The following PITPNA variants were observed in gnomAD, a reference collection of about 807,000 sequenced individuals.
The protein encoded by PITPNA is phosphatidylinositol transfer protein alpha isoform.
PITPNA carries 13 observed loss-of-function variants against 50.3 expected under a neutral mutation model. The ratio of observed to expected loss-of-function variants is 0.26; its 90% CI spans 0.17 to 0.41. The LOEUF (loss-of-function observed/expected upper bound fraction) is 0.41, where lower values mean the gene tolerates loss of function less well. PITPNA is among the 10% of genes least tolerant of loss of function. The pLI is 1.00. For missense variants in PITPNA, 207 were observed against 333.4 expected, an observed-to-expected ratio of 0.62 and a Z score of 2.95; for synonymous variants, 120 against 119.6, an observed-to-expected ratio of 1.00 and a Z score of -0.02.
In PITPNA at chr17:1,541,549, T is replaced by C; in HGVS notation, c.372+17A>G. The C allele has an allele frequency of 1.3e-6, 2 of 1,595,108 alleles. No individual in the cohort carries two copies. Among genetic ancestry groups the C allele is most frequent in the East Asian group, 4.5e-5 (2 of 44,796 alleles). ...CTCAAGACCTCACCCCTGGGGCTTT[T>C]GGGAACTACTACTCACATTCTCCTG... On this transcript the variant is annotated intron_variant, in intron 6 of 11. Transcript: ENST00000313486.
At chr17:1,552,025 C>A (rs906047492) in intron 3 of PITPNA, among the ~76,000 whole-genome samples, 1 of 152,204 alleles carries the variant, frequency 6.6e-6, no homozygotes, top group Non-Finnish European at 1.5e-5. Flanking sequence ...GCACTGCTCT[C>A]CTCGCACCCT....
At position 1,538,115 on chromosome 17, in the gene PITPNA, T is replaced by C. The variant is rs553570263; in HGVS notation, c.456+754A>G. On this transcript the variant is annotated intron_variant, in intron 7 of 11. Transcript: ENST00000313486. The stretch of plus-strand genomic sequence containing the variant: ...GTGCCAGGCCCCAAAATATCTTAAG[T>C]GCAGAGTGACCACAGGAAAGAGGTA... 2.6e-5 allele frequency among the ~76,000 whole-genome samples: 4 copies of C among 152,154 alleles called. No individual in the cohort carries two copies. In the South Asian group the frequency reaches 6.2e-4, roughly 24 times the overall value.
At chr17:1,548,486 A>G (rs2075690647) in intron 3 of PITPNA, 99 bp from the exon 4 acceptor site, 1 of 805,548 alleles carries the variant, frequency 1.2e-6, no homozygotes, top group African/African-American at 1.8e-5. Flanking sequence ...CTGACAAGCA[A>G]GTTTCCATGC....
chr17:1,543,104 C>G (rs766530297), intron 4 of PITPNA, 77 bp from the exon 5 acceptor site: 130 of 1,171,328 alleles, frequency 1.1e-4, no homozygotes, highest in Non-Finnish European at 1.4e-4. Flanking sequence ...CCCCACCCCC[C>G]ACAAGGAGGA....
intron 7 of PITPNA, among the ~76,000 whole-genome samples, chr17:1,537,168 A>G (rs553219598): frequency 6.6e-6 from 1 of 151,780 alleles, no homozygotes; most frequent in Non-Finnish European, 1.5e-5. Context: ...GGTTCAAGCG[A>G]TTCTCCTGCC....
At chr17:1,524,565 C>A (rs893773329) in intron 10 of PITPNA, among the ~76,000 whole-genome samples, 4 of 151,918 alleles carry the variant, frequency 2.6e-5, no homozygotes, top group Non-Finnish European at 5.9e-5. Flanking sequence ...TGGCCTAAGC[C>A]CCAATTTCTA....
At chr17:1,538,300 T>C (rs2075629738) in intron 7 of PITPNA, 1 of 152,236 alleles carries the variant, frequency 6.6e-6, no homozygotes, top group Non-Finnish European at 1.5e-5. Context: ...ACTTCTTGGG[T>C]GCAAAACAGT....
intron 3 of PITPNA, among the ~76,000 whole-genome samples, 177 bp downstream of exon 3, chr17:1,552,827 T>C (rs1464472589): frequency 6.6e-6 from 1 of 152,198 alleles, no homozygotes; most frequent in Non-Finnish European, 1.5e-5. Flanking sequence ...AAAAAAGGAA[T>C]AGTATATTCC....
At chr17:1,544,328 G>T in intron 4 of PITPNA, among the ~76,000 whole-genome samples, 1 of 152,228 alleles carries the variant, frequency 6.6e-6, no homozygotes, top group East Asian at 1.9e-4. Context: ...CTGCGTTTTA[G>T]TGTAACTTCA....
chr17:1,532,344 C>T (rs900571876), intron 10 of PITPNA, among the ~76,000 whole-genome samples: 3 of 152,112 alleles, frequency 2.0e-5, no homozygotes, highest in Admixed American at 6.6e-5. Context: ...ACCTTAGCCT[C>T]CCAAAGTGCT....
chr17:1,524,023 A>G (rs1253480681), intron 10 of PITPNA, among the ~76,000 whole-genome samples: 3 of 148,446 alleles, frequency 2.0e-5, no homozygotes, highest in African/African-American at 7.4e-5. Flanking sequence ...ATGCTCTCTA[A>G]GCCTCAGTTT....
Position 1,521,586 on chromosome 17 carries a change from AG to A in PITPNA, c.*14del, listed in dbSNP as rs780178179. 2.5e-6 allele frequency: 4 copies of A among 1,610,380 alleles called. No individual in the cohort carries two copies. Among genetic ancestry groups the A allele is most frequent in the Admixed American group, 1.7e-5 (1 of 59,986 alleles). ...GAGAAATTTGGTACGTACAGTGCAGAGGGGAAAGGCGGCTTTAGTCATCTGC... is the reference window on the plus strand; with the variant it reads ...GAGAAATTTGGTACGTACAGTGCAGAGGGAAAGGCGGCTTTAGTCATCTGC... On this transcript the variant is annotated 3_prime_UTR_variant, in exon 11 of 12. Transcript: ENST00000313486.
intron 4 of PITPNA, among the ~76,000 whole-genome samples, chr17:1,545,917 C>CTTTTTTTTTTT (rs11322049): frequency 4.6e-5 from 4 of 86,368 alleles, no homozygotes; most frequent in Admixed American, 1.6e-4. Context: ...TGCATACTGC[C>CTTTTTTTTTTT]TTTTTTTTTT....
intron 3 of PITPNA, among the ~76,000 whole-genome samples, chr17:1,551,490 G>A (rs546883313): frequency 1.3e-5 from 2 of 151,918 alleles, no homozygotes; most frequent in African/African-American, 2.4e-5. Flanking sequence ...ATGGAGTCTC[G>A]CTATGTTGCC....
At chr17:1,529,095 G>A (rs545718621) in intron 10 of PITPNA, among the ~76,000 whole-genome samples, 16 of 144,962 alleles carry the variant, frequency 1.1e-4, no homozygotes, top group East Asian at 8.2e-4. Flanking sequence ...CCGAGATTGC[G>A]CCACTGCAGT....
chr17:1,536,300 T>C (rs1428765318), intron 7 of PITPNA, among the ~76,000 whole-genome samples: 8 of 151,990 alleles, frequency 5.3e-5, no homozygotes, highest in Non-Finnish European at 1.2e-4. Flanking sequence ...TTTTTCTTTT[T>C]TTTTTGAGAG....
rs548925035 is a variant in PITPNA at position 1,542,230 on chromosome 17, G to A, written c.298-590C>T. Among the ~76,000 whole-genome samples the A allele has an allele frequency of 8.6e-5, 13 of 151,174 alleles. No homozygotes were observed. The South Asian group carries it at 2.3e-3, about 27-fold the overall frequency. ...AAAAAAAAAAAGTCACAGAGATCAC[G>A]ACAGAGTTGGGTCTCAAAACAGTTT... On this transcript the variant is annotated intron_variant, in intron 5 of 11. Transcript: ENST00000313486.
chr17:1,550,651 C>T (rs890626889), intron 3 of PITPNA, among the ~76,000 whole-genome samples: 1 of 152,088 alleles, frequency 6.6e-6, no homozygotes, highest in Non-Finnish European at 1.5e-5. Context: ...ACCTCAGCCT[C>T]CCAAGTAGCT....
chr17:1,547,243 A>G (rs1247982645), intron 4 of PITPNA, among the ~76,000 whole-genome samples: 1 of 151,002 alleles, frequency 6.6e-6, no homozygotes, highest in African/African-American at 2.4e-5. Context: ...GCATATGCCT[A>G]TAGTCCCAGG....
Sources: gnomAD v4.1 joint callset for allele counts (sites outside exome capture counted in the v4.1 genomes callset) on GRCh38, gnomAD v4.1.1 for gene constraint, MANE v1.5 for transcripts, NCBI Gene and HGNC (gene_info 2026-07-23, HGNC 2026-07-21) for gene names.